USH2A: variants seen among roughly 807,000 people sequenced by gnomAD.
The protein encoded by USH2A is usherin.
A neutral mutation model predicts 538.9 loss-of-function variants in USH2A; 443 were observed. That is an observed-to-expected ratio of 0.82 (90% confidence interval 0.76 to 0.89). USH2A has a LOEUF of 0.89. Ranked by LOEUF, USH2A falls within the 40% of genes least tolerant of loss-of-function variation. The pLI, the probability that USH2A is intolerant of heterozygous loss-of-function variation, is 0.00. For synonymous variants in USH2A, 2,413 were observed against 2,273.5 expected (o/e 1.06, Z -1.75); for missense variants, 6,633 against 6,324.8 (o/e 1.05, Z -1.65).
At chr1:215,946,302 G>T (rs1034301818) in intron 37 of USH2A, among the ~76,000 whole-genome samples, 6 of 152,108 alleles carry the variant, frequency 3.9e-5, no homozygotes, top group Non-Finnish European at 1.5e-5. Context: ...CTCAATATAG[G>T]TGTTCTTGGT....
rs201899469 is a variant in USH2A at position 216,241,079 on chromosome 1, A to T, written c.2809+5506T>A. ...ATATAGTCAAATCATATTATATGGC[A>T]TAGCTGTACAGTAAATTTATATAGT... On this transcript the variant is annotated intron_variant, in intron 13 of 71. Coordinates refer to ENST00000307340, the MANE Select transcript of USH2A (RefSeq NM_206933.4). Among the ~76,000 whole-genome samples the T allele has an allele frequency of 3.3e-5, 5 of 152,204 alleles. No homozygotes were observed. The East Asian group carries it at 9.6e-4, about 29-fold the overall frequency.
At chr1:216,204,051 T>A (rs911173457) in intron 16 of USH2A, 76 of 162,506 alleles carry the variant, frequency 4.7e-4, no homozygotes, top group African/African-American at 1.8e-3. Flanking sequence ...TAGTCTCTAA[T>A]CTGACTTTCA....
chr1:215,991,724 C>T (rs1668008446), intron 35 of USH2A, among the ~76,000 whole-genome samples: 1 of 152,154 alleles, frequency 6.6e-6, no homozygotes, highest in African/African-American at 2.4e-5. Flanking sequence ...AAATGTTTCC[C>T]TGAACAGCTG....
intron 11 of USH2A, among the ~76,000 whole-genome samples, chr1:216,271,021 A>C (rs2036563417): frequency 6.6e-6 from 1 of 152,148 alleles, no homozygotes; most frequent in Admixed American, 6.6e-5. Flanking sequence ...ATTATCACCA[A>C]GTACTAGCAA....
At chr1:216,321,746 G>T in intron 9 of USH2A, 137 bp downstream of exon 9, 1 of 752,070 alleles carries the variant, frequency 1.3e-6, no homozygotes, top group East Asian at 2.7e-5. Flanking sequence ...TAAAAAATCT[G>T]CAATAATTGA....
intron 14 of USH2A, among the ~76,000 whole-genome samples, chr1:216,221,771 C>G (rs1176768871): frequency 6.6e-6 from 1 of 152,148 alleles, no homozygotes. Flanking sequence ...CATATTTATG[C>G]AAATAACTAA....
At chr1:216,324,657 C>T (rs982082351) in intron 6 of USH2A, among the ~76,000 whole-genome samples, 2 of 152,006 alleles carry the variant, frequency 1.3e-5, no homozygotes, top group East Asian at 3.9e-4. Context: ...GAAAAAGCAC[C>T]TTAGTTTGTA....
intron 19 of USH2A, among the ~76,000 whole-genome samples, chr1:216,190,840 T>C (rs1438112532): frequency 6.6e-6 from 1 of 151,920 alleles, no homozygotes; most frequent in Non-Finnish European, 1.5e-5. Context: ...TGAAAAAAAG[T>C]CACAGAAGAA....
At chr1:215,865,150 CT>C (rs1664435929) in intron 44 of USH2A, among the ~76,000 whole-genome samples, 1 of 152,052 alleles carries the variant, frequency 6.6e-6, no homozygotes, top group African/African-American at 2.4e-5. Context: ...AGAGGATCGA[CT>C]AGTTAATTTA....
At chr1:215,700,065 CAT>C (rs1411917749) in intron 61 of USH2A, among the ~76,000 whole-genome samples, 1 of 152,100 alleles carries the variant, frequency 6.6e-6, no homozygotes, top group Non-Finnish European at 1.5e-5. Context: ...TTGAGATAAT[CAT>C]GTGGTTTTTG....
At chr1:216,186,566 A>AT (rs1045027349) in intron 20 of USH2A, among the ~76,000 whole-genome samples, 3 of 151,466 alleles carry the variant, frequency 2.0e-5, no homozygotes, top group Non-Finnish European at 2.9e-5. Context: ...TTGGGCTTCC[A>AT]TTTTGCATTT....
chr1:215,902,906 G>C (rs1665538780), intron 38 of USH2A, among the ~76,000 whole-genome samples: 3 of 152,092 alleles, frequency 2.0e-5, no homozygotes, highest in Admixed American at 2.0e-4. Context: ...GCCTTCATAG[G>C]AGTTGTAGGT....
intron 11 of USH2A, among the ~76,000 whole-genome samples, chr1:216,261,567 C>T (rs1045900888): frequency 6.6e-5 from 10 of 150,510 alleles, no homozygotes; most frequent in African/African-American, 2.2e-4. Flanking sequence ...TTCAGAAATA[C>T]ACCAAAAGGA....
chr1:215,902,003 C>A (rs1249523402), intron 38 of USH2A, among the ~76,000 whole-genome samples: 1 of 152,096 alleles, frequency 6.6e-6, no homozygotes, highest in Admixed American at 6.6e-5. Flanking sequence ...TGATTTTAGA[C>A]CCTGGTAATT....
intron 70 of USH2A, among the ~76,000 whole-genome samples, chr1:215,632,474 C>T (rs182940788): frequency 6.6e-6 from 1 of 152,316 alleles, no homozygotes; most frequent in African/African-American, 2.4e-5. Flanking sequence ...AGACAGTGTT[C>T]TTCCTCATGG....
At chr1:215,851,239 A>G (rs985114794) in intron 44 of USH2A, among the ~76,000 whole-genome samples, 1 of 152,204 alleles carries the variant, frequency 6.6e-6, no homozygotes, top group African/African-American at 2.4e-5. Context: ...AAAACAATAC[A>G]AAAGATAAAT....
chr1:216,310,664 C>T (rs2037403661), intron 9 of USH2A, among the ~76,000 whole-genome samples: 1 of 152,166 alleles, frequency 6.6e-6, no homozygotes, highest in Non-Finnish European at 1.5e-5. Context: ...ATTTATTTCT[C>T]AGTTCCAAGG....
At chr1:216,394,553 G>A (rs1466421096) in intron 3 of USH2A, among the ~76,000 whole-genome samples, 2 of 151,796 alleles carry the variant, frequency 1.3e-5, no homozygotes, top group African/African-American at 4.8e-5. Context: ...GTATTTGAAA[G>A]ACAAAAAGCA....
At chr1:215,818,957 A>C (rs1407292959) in intron 47 of USH2A, among the ~76,000 whole-genome samples, 4 of 151,826 alleles carry the variant, frequency 2.6e-5, no homozygotes, top group Non-Finnish European at 4.4e-5. Context: ...CAAGGTAAAT[A>C]TAAAAATTAT....
Sources: gnomAD v4.1 joint callset for allele counts (sites outside exome capture counted in the v4.1 genomes callset) on GRCh38, gnomAD v4.1.1 for gene constraint, MANE v1.5 for transcripts, NCBI Gene and HGNC (gene_info 2026-07-23, HGNC 2026-07-21) for gene names.